TCN1: variants seen among roughly 807,000 people sequenced by gnomAD.
The protein encoded by TCN1 is transcobalamin 1.
A neutral mutation model predicts 46.3 loss-of-function variants in TCN1; 47 were observed. That is an observed-to-expected ratio of 1.01 (90% confidence interval 0.80 to 1.29). TCN1 has a LOEUF of 1.29. TCN1 is among the 50% of genes most tolerant of loss of function. TCN1 has a pLI of 0.00. For synonymous variants in TCN1, 183 were observed against 192.5 expected (o/e 0.95, Z 0.41); for missense variants, 532 against 511.0 (o/e 1.04, Z -0.40).
intron 7 of TCN1, among the ~76,000 whole-genome samples, chr11:59,853,773 G>C (rs1866693246): frequency 6.6e-6 from 1 of 152,152 alleles, no homozygotes; most frequent in Non-Finnish European, 1.5e-5. Flanking sequence ...ATTTCATATT[G>C]TGTTTATTAA....
chr11:59,856,069 A>AAAGGGGGGGG lies in TCN1; in HGVS notation c.748-12_748-11insCCCCCCCCTT. The AAAGGGGGGGG allele has an allele frequency of 2.8e-6, 1 of 359,444 alleles. No individual in the cohort carries two copies. Among genetic ancestry groups the AAAGGGGGGGG allele is most frequent in the Non-Finnish European group, 4.9e-6 (1 of 206,030 alleles). 22.3% of individuals were successfully genotyped at this position (359,444 alleles called of 1,614,324 possible). ...TGATACAAAGAGGGCCTAATGAGGC[A>AAAGGGGGGGG]GGGTGGGGTGGGGGGGTGATGAGAG... On this transcript the variant is annotated splice_polypyrimidine_tract_variant and intron_variant, in intron 5 of 8. Coordinates refer to ENST00000257264, the MANE Select transcript of TCN1 (RefSeq NM_001062.4).
In TCN1 at chr11:59,853,219, G is replaced by A. The variant is rs749250733; in HGVS notation, c.1224C>T (p.Gly408=). Residue 408 remains glycine, a synonymous_variant, in exon 8 of 9, where the codon GGC becomes GGT. Transcript: ENST00000257264. ...CTCCCTTACCTTGGCTCAGTGGTTC[G>A]CCTCCACTCAGAAGTTCCCAGTAGG... ...DRTYWELLSG[G]EPLSQGAGSY... is the part of the protein sequence containing the mutation. The A allele has an allele frequency of 8.1e-6, 13 of 1,613,876 alleles. No homozygotes were observed. The highest frequency in any genetic ancestry group is 5.3e-5 in the African/African-American group (4 of 74,876).
Position 59,852,929 on chromosome 11 carries a change from C to G in TCN1, c.*46G>C. ...AGGCATAAGGACAATAAACATGGAACTCCACTGCAAATGGATTTTATGCAG... is the reference window on the plus strand; with the variant it reads ...AGGCATAAGGACAATAAACATGGAAGTCCACTGCAAATGGATTTTATGCAG... On this transcript the variant is annotated 3_prime_UTR_variant, in exon 9 of 9. Coordinates refer to ENST00000257264, the MANE Select transcript of TCN1 (RefSeq NM_001062.4). 1 of 1,563,882 alleles carries G rather than the reference C, an allele frequency of 6.4e-7. No homozygotes were observed. Among genetic ancestry groups the G allele is most frequent in the Non-Finnish European group, 8.8e-7 (1 of 1,134,224 alleles).
chr11:59,865,944 C>A (rs528852650), intron 1 of TCN1, among the ~76,000 whole-genome samples: 2 of 152,206 alleles, frequency 1.3e-5, no homozygotes, highest in African/African-American at 4.8e-5. Flanking sequence ...GCAGTCATCA[C>A]TATTTGAAAG....
chr11:59,856,078 TGG>T lies in TCN1; in HGVS notation c.748-22_748-21del. 5 of 323,558 alleles carry T rather than the reference TGG, an allele frequency of 1.5e-5. No homozygotes were observed. Among genetic ancestry groups the T allele is most frequent in the Non-Finnish European group, 2.2e-5 (4 of 178,450 alleles). The allele number at this position is 323,558 out of a possible 1,614,324, so 20.0% of individuals were successfully genotyped here. A position where few individuals can be genotyped will look rare whatever the true frequency, so the allele number is the denominator to read the frequency against. ...GAGGGCCTAATGAGGCAGGGTGGGG[TGG>T]GGGGGTGATGAGAGATAAAGAGAGA... is the stretch of plus-strand genomic sequence containing the variant. On this transcript the variant is annotated intron_variant, in intron 5 of 8. Coordinates refer to ENST00000257264, the MANE Select transcript of TCN1 (RefSeq NM_001062.4).
intron 5 of TCN1, among the ~76,000 whole-genome samples, chr11:59,857,206 A>C (rs1852953426): frequency 6.6e-6 from 1 of 152,202 alleles, no homozygotes; most frequent in Non-Finnish European, 1.5e-5. Context: ...GTTGTAGGCA[A>C]TTAGCTCTTG....
chr11:59,857,259 G>C (rs1852954296), intron 5 of TCN1, among the ~76,000 whole-genome samples: 1 of 152,132 alleles, frequency 6.6e-6, no homozygotes, highest in African/African-American at 2.4e-5. Context: ...TTTTAAACCA[G>C]AGCAAGGCCC....
At chr11:59,862,052 C>G (rs1411734923) in intron 3 of TCN1, among the ~76,000 whole-genome samples, 1 of 152,116 alleles carries the variant, frequency 6.6e-6, no homozygotes, top group Non-Finnish European at 1.5e-5. Context: ...GAGGCCATCT[C>G]AAAGGAAAAT....
intron 3 of TCN1, among the ~76,000 whole-genome samples, chr11:59,862,236 G>A (rs1853022256): frequency 6.6e-6 from 1 of 152,006 alleles, no homozygotes; most frequent in Admixed American, 6.6e-5. Context: ...ATCCTGTATT[G>A]TTCAGCTATT....
intron 4 of TCN1, 30 bp downstream of exon 4, chr11:59,861,497 G>A (rs750982818): frequency 4.3e-6 from 7 of 1,611,950 alleles, no homozygotes; most frequent in South Asian, 1.1e-5. Flanking sequence ...CATGTCCTCT[G>A]TACCAAGGGA....
In TCN1 at chr11:59,859,301, C is replaced by A. The variant is rs1412812208; in HGVS notation, c.557-34G>T. On this transcript the variant is annotated intron_variant, in intron 4 of 8. Coordinates refer to ENST00000257264, the MANE Select transcript of TCN1 (RefSeq NM_001062.4). ...AAACAAAACATTGTTGATAGGCGACCAACCACCTCAGTTTGTCCTGGGCCG... is the reference window on the plus strand; with the variant it reads ...AAACAAAACATTGTTGATAGGCGACAAACCACCTCAGTTTGTCCTGGGCCG... 6.2e-6 allele frequency: 10 copies of A among 1,607,892 alleles called. No individual in the cohort carries two copies. The East Asian group carries it at 6.7e-5, about 11-fold the overall frequency.
chr11:59,855,867 A>G lies in TCN1; in HGVS notation c.937+2T>C, dbSNP rs766596663. ...ACAGTGTGCTCTCTTTAATGCTTAT[A>G]CCTGAAGCAGAGACGCAAGAAGAGT... On this transcript the variant is annotated splice_donor_variant, in intron 6 of 8. Coordinates refer to ENST00000257264, the MANE Select transcript of TCN1 (RefSeq NM_001062.4). LOFTEE classifies it high-confidence loss of function. 5.0e-6 allele frequency: 8 copies of G among 1,613,774 alleles called. No individual in the cohort carries two copies. The highest frequency in any genetic ancestry group is 6.8e-6 in the Non-Finnish European group (8 of 1,179,706).
intron 5 of TCN1, among the ~76,000 whole-genome samples, chr11:59,857,081 A>G (rs1423954042): frequency 6.6e-6 from 1 of 152,220 alleles, no homozygotes; most frequent in Non-Finnish European, 1.5e-5. Flanking sequence ...TGGGATATTA[A>G]GAAAAAAGAA....
At chr11:59,866,276 A>C in intron 1 of TCN1, 116 bp downstream of exon 1, 1 of 1,049,768 alleles carries the variant, frequency 9.5e-7, no homozygotes, top group Non-Finnish European at 1.5e-6. Flanking sequence ...CATGGAGTCC[A>C]ACCACATACG....
In TCN1 at chr11:59,856,004, T is replaced by A. The variant is rs753384564; in HGVS notation, c.802A>T (p.Thr268Ser). ...ATTTCCGTGAGCACTGTATTCAGAG[T>A]TTGTTGGCAATTCCAGTCATTTTCA... The part of the protein sequence containing the change: ...YNENDWNCQQ[T>S]LNTVLTEISQ... Residue 268 changes from threonine (T) to serine (S), a missense_variant, in exon 6 of 9, where the codon ACT becomes TCT. By Grantham distance (58) the Thr-to-Ser change is moderately conservative. Coordinates refer to ENST00000257264, the MANE Select transcript of TCN1 (RefSeq NM_001062.4). The A allele has an allele frequency of 1.9e-6, 3 of 1,612,940 alleles. No homozygotes were observed. Among genetic ancestry groups the A allele is most frequent in the African/African-American group, 2.7e-5 (2 of 74,564 alleles).
At chr11:59,859,909 T>C (rs1565214442) in intron 4 of TCN1, among the ~76,000 whole-genome samples, 1 of 152,228 alleles carries the variant, frequency 6.6e-6, no homozygotes, top group African/African-American at 2.4e-5. Flanking sequence ...CTGCCTGAAC[T>C]GTCTGAAGCC....
chr11:59,865,731 G>A (rs989280562), intron 1 of TCN1, among the ~76,000 whole-genome samples: 7 of 152,102 alleles, frequency 4.6e-5, no homozygotes, highest in African/African-American at 1.4e-4. Flanking sequence ...GAAATGTTGG[G>A]TCATTCAATA....
At chr11:59,855,842 A>G in intron 6 of TCN1, 27 bp downstream of exon 6, 2 of 1,613,164 alleles carry the variant, frequency 1.2e-6, no homozygotes, top group Non-Finnish European at 1.7e-6. Flanking sequence ...GAAAAGCGAA[A>G]CAGTGTGCTC....
At chr11:59,862,467 A>G (rs769996489) in intron 3 of TCN1, 115 bp downstream of exon 3, 44 of 1,314,668 alleles carry the variant, frequency 3.3e-5, no homozygotes, top group African/African-American at 4.4e-5. Flanking sequence ...CCTCAAAGAC[A>G]TAGTGAGATG....
Sources: gnomAD v4.1 joint callset for allele counts (sites outside exome capture counted in the v4.1 genomes callset) on GRCh38, gnomAD v4.1.1 for gene constraint, MANE v1.5 for transcripts, NCBI Gene and HGNC (gene_info 2026-07-23, HGNC 2026-07-21) for gene names.